Variants in ZFHX3 observed in about 807,000 individuals in gnomAD.
ZFHX3 encodes zinc finger homeobox protein 3.
A neutral mutation model predicts 279.1 loss-of-function variants in ZFHX3; 42 were observed. The ratio of observed to expected loss-of-function variants is 0.15; its 90% CI spans 0.12 to 0.19. ZFHX3 has a LOEUF of 0.19. Ranked by LOEUF, ZFHX3 falls within the 10% of genes least tolerant of loss-of-function variation. ZFHX3 has a pLI of 1.00. For missense variants in ZFHX3, 4,981 were observed against 4,754.0 expected, an observed-to-expected ratio of 1.05 and a Z score of -1.40; for synonymous variants, 2,293 against 1,957.8, an observed-to-expected ratio of 1.17 and a Z score of -4.52.
intron 4 of ZFHX3, among the ~76,000 whole-genome samples, chr16:73,286,249 A>C (rs1236548801): frequency 6.6e-6 from 1 of 152,198 alleles, no homozygotes; most frequent in Non-Finnish European, 1.5e-5. Flanking sequence ...ACAGTAATGG[A>C]ACAACGGCCC....
rs12598340 is a variant in ZFHX3 at position 73,031,570 on chromosome 16, C to G, written c.-50+16182G>C. Among the ~76,000 whole-genome samples the G allele has an allele frequency of 4.5e-3, 688 of 152,266 alleles. 16 individuals carry two copies. In the East Asian group the frequency reaches 0.082, roughly 18 times the overall value. On this transcript the variant is annotated intron_variant, in intron 1 of 9. Transcript: ENST00000268489. ...GCTGTTTTGCATTTCGTGGAGACAT[C>G]GAGTAAACAGTACTTAAGTGTTTCC...
chr16:73,880,763 T>C (rs567744972), intron 1 of ZFHX3, among the ~76,000 whole-genome samples: 4 of 152,334 alleles, frequency 2.6e-5, no homozygotes, highest in South Asian at 2.1e-4. Context: ...GTGCCTGGTC[T>C]ATTTATTTCT....
intron 1 of ZFHX3, among the ~76,000 whole-genome samples, chr16:73,047,266 G>T (rs980617171): frequency 4.6e-5 from 7 of 152,078 alleles, no homozygotes; most frequent in South Asian, 2.1e-4. Flanking sequence ...TTTTCCAAGA[G>T]TGCGAAAAAA....
intron 2 of ZFHX3, among the ~76,000 whole-genome samples, chr16:73,582,154 T>C (rs1253230546): frequency 6.6e-6 from 1 of 151,710 alleles, no homozygotes; most frequent in East Asian, 1.9e-4. Flanking sequence ...AAAAAGTAAA[T>C]GGAGTCTCAG....
chr16:73,407,515 T>C (rs927089684), intron 3 of ZFHX3, among the ~76,000 whole-genome samples: 1 of 152,028 alleles, frequency 6.6e-6, no homozygotes, highest in African/African-American at 2.4e-5. Flanking sequence ...GTTGGAGAAA[T>C]GGAGGTACAG....
At chr16:73,844,005 C>T (rs76231774) in intron 1 of ZFHX3, among the ~76,000 whole-genome samples, 1 of 152,132 alleles carries the variant, frequency 6.6e-6, no homozygotes, top group South Asian at 2.1e-4. Context: ...CCAGGCCATA[C>T]AAAATTAGGC....
At chr16:73,174,819 A>T (rs534002679) in intron 5 of ZFHX3, among the ~76,000 whole-genome samples, 1 of 148,604 alleles carries the variant, frequency 6.7e-6, no homozygotes, top group South Asian at 2.1e-4. Flanking sequence ...GGAGTTCAAG[A>T]CCAGCCTGGG....
intron 3 of ZFHX3, among the ~76,000 whole-genome samples, chr16:73,330,504 G>A (rs1433652102): frequency 6.6e-6 from 1 of 152,222 alleles, no homozygotes; most frequent in East Asian, 1.9e-4. Flanking sequence ...GAATGCAATA[G>A]GGGCAAACGT....
chr16:73,286,903 T>G (rs1439372160), intron 4 of ZFHX3, among the ~76,000 whole-genome samples: 1 of 142,474 alleles, frequency 7.0e-6, no homozygotes, highest in East Asian at 2.2e-4. Context: ...TGTAGGTGTG[T>G]GGGTTGGTAT....
chr16:73,753,474 TC>T (rs2053778836), intron 1 of ZFHX3, among the ~76,000 whole-genome samples: 1 of 152,150 alleles, frequency 6.6e-6, no homozygotes, highest in Admixed American at 6.5e-5. Flanking sequence ...AAATAACCCT[TC>T]CCTCAATTTA....
At chr16:72,994,407 C>A (rs940181723) in intron 1 of ZFHX3, among the ~76,000 whole-genome samples, 1 of 152,196 alleles carries the variant, frequency 6.6e-6, no homozygotes, top group Non-Finnish European at 1.5e-5. Flanking sequence ...TCCCCAAGCC[C>A]CCAGGTGCCA....
At chr16:73,442,016 AGGTCTC>A (rs1430486040) in intron 3 of ZFHX3, among the ~76,000 whole-genome samples, 1 of 152,190 alleles carries the variant, frequency 6.6e-6, no homozygotes, top group African/African-American at 2.4e-5. Flanking sequence ...ACAGGACTCC[AGGTCTC>A]TCCCCTTCTC....
At chr16:73,805,559 T>C (rs993097686) in intron 1 of ZFHX3, among the ~76,000 whole-genome samples, 1 of 152,224 alleles carries the variant, frequency 6.6e-6, no homozygotes, top group African/African-American at 2.4e-5. Context: ...TTGCACATTG[T>C]AGATGCTCAG....
intron 2 of ZFHX3, among the ~76,000 whole-genome samples, chr16:73,566,495 G>A (rs149978752): frequency 6.6e-6 from 1 of 152,176 alleles, no homozygotes; most frequent in Non-Finnish European, 1.5e-5. Context: ...GCTTCTGGTG[G>A]CTCCGGTGTC....
intron 2 of ZFHX3, among the ~76,000 whole-genome samples, chr16:73,512,150 C>T (rs1213674309): frequency 2.0e-5 from 3 of 151,910 alleles, no homozygotes; most frequent in Non-Finnish European, 4.4e-5. Flanking sequence ...AATGGATTGG[C>T]CTGGCCTGGT....
At chr16:73,651,854 CAAAAAA>C (rs34470973) in intron 2 of ZFHX3, among the ~76,000 whole-genome samples, 1 of 110,396 alleles carries the variant, frequency 9.1e-6, no homozygotes, top group Non-Finnish European at 1.9e-5. Context: ...GACTCTGTCT[CAAAAAA>C]AAAAAAAAAA....
chr16:73,580,463 C>T (rs1021645566), intron 2 of ZFHX3, among the ~76,000 whole-genome samples: 10 of 150,544 alleles, frequency 6.6e-5, no homozygotes, highest in East Asian at 2.0e-4. Flanking sequence ...GGCAACAGAG[C>T]GAGACTCCGT....
intron 4 of ZFHX3, among the ~76,000 whole-genome samples, chr16:73,266,358 A>C (rs948205326): frequency 1.2e-4 from 19 of 152,188 alleles, no homozygotes; most frequent in Admixed American, 6.5e-5. Flanking sequence ...TATAGTTTAT[A>C]TTATTTCTAT....
intron 8 of ZFHX3, among the ~76,000 whole-genome samples, chr16:73,073,956 A>G (rs1320366833): frequency 2.0e-5 from 3 of 152,266 alleles, no homozygotes; most frequent in Non-Finnish European, 4.4e-5. Context: ...CTGCTAAATT[A>G]TGAGTACGGA....
Sources: gnomAD v4.1 joint callset for allele counts (sites outside exome capture counted in the v4.1 genomes callset) on GRCh38, gnomAD v4.1.1 for gene constraint, MANE v1.5 for transcripts, NCBI Gene and HGNC (gene_info 2026-07-23, HGNC 2026-07-21) for gene names.